TRHDE: variants seen among roughly 807,000 people sequenced by gnomAD.
TRHDE encodes the protein thyrotropin-releasing hormone-degrading ectoenzyme.
A neutral mutation model predicts 125.7 loss-of-function variants in TRHDE; 72 were observed. The observed-to-expected ratio is 0.57, with a 90% CI of 0.47 to 0.70. The LOEUF (loss-of-function observed/expected upper bound fraction) is 0.70. TRHDE is among the 30% of genes least tolerant of loss of function. The probability of loss-of-function intolerance (pLI) is 0.00; values close to 1 mark genes in which losing one functional copy is unlikely to be tolerated. For synonymous variants in TRHDE, 509 were observed against 509.1 expected, an observed-to-expected ratio of 1.00 and a Z score of 0.00; for missense variants, 1,110 against 1,327.1, an observed-to-expected ratio of 0.84 and a Z score of 2.54.
At chr12:72,362,520 T>C (rs1871146225) in intron 2 of TRHDE, among the ~76,000 whole-genome samples, 1 of 152,048 alleles carries the variant, frequency 6.6e-6, no homozygotes, top group Non-Finnish European at 1.5e-5. Context: ...GGTTGCCTGT[T>C]CACTCTGATG....
rs539970780 is a variant in TRHDE, at chr12:72,344,820, C to A, written c.1189-33175C>A. 4.6e-5 allele frequency among the ~76,000 whole-genome samples: 7 copies of A among 152,148 alleles called. No individual in the cohort carries two copies. The South Asian group carries it at 1.4e-3, about 32-fold the overall frequency. On this transcript the variant is annotated intron_variant, in intron 2 of 18. Transcript: ENST00000261180. ...GCCTGGTCAAGCATCATGAGGAACA[C>A]TCTTCTTATGGATGAACACCCCTGG...
At position 72,144,749 on chromosome 12, in the gene TRHDE, G is replaced by C. The variant is rs1876190968; in HGVS notation, n.279+38997G>C. On this transcript the variant is annotated intron_variant and non_coding_transcript_variant, in intron 2 of 4. Coordinates refer to the TRHDE transcript ENST00000548156. ...TGTCCATGCTACTCTGCTGGAGCTA[G>C]AGTCAGGAACAATAGCCCACTTCTC... Among the ~76,000 whole-genome samples, 3 of 152,314 alleles carry C rather than the reference G, an allele frequency of 2.0e-5. No homozygotes were observed. The South Asian group carries it at 6.2e-4, about 32-fold the overall frequency.
At chr12:72,108,623 G>A (rs1310972119) in intron 2 of TRHDE, among the ~76,000 whole-genome samples, 1 of 152,078 alleles carries the variant, frequency 6.6e-6, no homozygotes. Flanking sequence ...TGGAATTATG[G>A]TAATTGAAAA....
chr12:72,543,785 T>G (rs1170547675), intron 7 of TRHDE, among the ~76,000 whole-genome samples: 1 of 140,924 alleles, frequency 7.1e-6, no homozygotes, highest in Admixed American at 7.5e-5. Context: ...GAAAGGATTA[T>G]TATTTGGAAA....
intron 3 of TRHDE, among the ~76,000 whole-genome samples, chr12:72,406,509 G>A (rs1019511882): frequency 6.6e-6 from 1 of 152,144 alleles, no homozygotes; most frequent in African/African-American, 2.4e-5. Flanking sequence ...GTGAGTGGGG[G>A]TTCCTGGATC....
chr12:72,444,339 A>G (rs958901655), intron 3 of TRHDE, among the ~76,000 whole-genome samples: 2 of 151,882 alleles, frequency 1.3e-5, no homozygotes, highest in Middle Eastern at 3.2e-3. Flanking sequence ...TCATTTGCTA[A>G]TCTGTGTCCT....
rs533434124 is a variant in TRHDE, at chr12:72,276,420, T to C, written c.914+2863T>C. On this transcript the variant is annotated intron_variant, in intron 1 of 18. Transcript: ENST00000261180. ...TTAAAACAGCAATACTACAGTGCAGTCCACTTCTCTTAGCCTATGTGGAAA... is the reference window on the plus strand; with the variant it reads ...TTAAAACAGCAATACTACAGTGCAGCCCACTTCTCTTAGCCTATGTGGAAA... Among the ~76,000 whole-genome samples, 85 of 152,370 alleles carry C rather than the reference T, an allele frequency of 5.6e-4. 1 individual carries two copies. The highest frequency in any genetic ancestry group is 1.9e-3 in the African/African-American group (81 of 41,602).
At chr12:72,169,941 A>C (rs1876834202) in intron 2 of TRHDE, among the ~76,000 whole-genome samples, 1 of 152,152 alleles carries the variant, frequency 6.6e-6, no homozygotes, top group Non-Finnish European at 1.5e-5. Context: ...ATCTTAGGAC[A>C]AAAGAAAAAG....
intron 3 of TRHDE, among the ~76,000 whole-genome samples, chr12:72,415,543 C>T (rs1484253698): frequency 6.6e-6 from 1 of 151,922 alleles, no homozygotes; most frequent in Non-Finnish European, 1.5e-5. Flanking sequence ...CCCCTCCCCA[C>T]TACCCTTCTC....
intron 3 of TRHDE, among the ~76,000 whole-genome samples, chr12:72,423,911 G>A (rs1373739482): frequency 6.6e-6 from 1 of 152,040 alleles, no homozygotes; most frequent in African/African-American, 2.4e-5. Flanking sequence ...GAAGATGGAG[G>A]GGGAGGGCCA....
chr12:72,514,592 C>A (rs1220953277), intron 6 of TRHDE, among the ~76,000 whole-genome samples: 1 of 151,106 alleles, frequency 6.6e-6, no homozygotes, highest in Non-Finnish European at 1.5e-5. Context: ...GAATTGGTAA[C>A]ACATGGATTC....
At chr12:72,135,841 C>T (rs2139310963) in intron 2 of TRHDE, among the ~76,000 whole-genome samples, 1 of 152,110 alleles carries the variant, frequency 6.6e-6, no homozygotes, top group East Asian at 1.9e-4. Flanking sequence ...TGTGCTGCCC[C>T]TGTGGCATTT....
At chr12:72,111,057 G>A (rs1359216825) in intron 2 of TRHDE, among the ~76,000 whole-genome samples, 1 of 152,114 alleles carries the variant, frequency 6.6e-6, no homozygotes, top group Non-Finnish European at 1.5e-5. Context: ...GCCAGTCGGT[G>A]CTTGTCATTA....
intron 6 of TRHDE, among the ~76,000 whole-genome samples, chr12:72,507,901 T>C (rs920905639): frequency 6.6e-6 from 1 of 152,190 alleles, no homozygotes; most frequent in Admixed American, 6.5e-5. Flanking sequence ...CACCCTGCAT[T>C]GTGGCTGCCC....
At chr12:72,618,171 T>A (rs73334816) in intron 12 of TRHDE, among the ~76,000 whole-genome samples, 1 of 152,182 alleles carries the variant, frequency 6.6e-6, no homozygotes, top group Non-Finnish European at 1.5e-5. Flanking sequence ...TGATATGGCC[T>A]CTTAAACTAT....
intron 12 of TRHDE, among the ~76,000 whole-genome samples, chr12:72,586,993 A>G (rs926023005): frequency 6.6e-6 from 1 of 152,184 alleles, no homozygotes; most frequent in African/African-American, 2.4e-5. Flanking sequence ...CAAAATAAAA[A>G]AGAACTATAG....
intron 6 of TRHDE, among the ~76,000 whole-genome samples, chr12:72,501,602 G>A (rs1878157678): frequency 6.6e-6 from 1 of 151,910 alleles, no homozygotes; most frequent in African/African-American, 2.4e-5. Flanking sequence ...CTAAAAAAAT[G>A]TTTAGAAATT....
At chr12:72,643,042 G>T (rs1378348655) in intron 15 of TRHDE, among the ~76,000 whole-genome samples, 2 of 152,122 alleles carry the variant, frequency 1.3e-5, no homozygotes, top group African/African-American at 4.8e-5. Flanking sequence ...GGCATATCCG[G>T]TGCTTACCAA....
chr12:72,514,094 C>A (rs1026348438), intron 6 of TRHDE, among the ~76,000 whole-genome samples: 1 of 152,092 alleles, frequency 6.6e-6, no homozygotes, highest in Non-Finnish European at 1.5e-5. Context: ...TGGTCCTGGA[C>A]TAGAAGGTAT....
Sources: gnomAD v4.1 joint callset for allele counts (sites outside exome capture counted in the v4.1 genomes callset) on GRCh38, gnomAD v4.1.1 for gene constraint, MANE v1.5 for transcripts, NCBI Gene and HGNC (gene_info 2026-07-23, HGNC 2026-07-21) for gene names.